Variants in AK5 observed in about 807,000 individuals in gnomAD.
AK5 encodes adenylate kinase isoenzyme 5.
A neutral mutation model predicts 69.5 loss-of-function variants in AK5; 27 were observed. The observed-to-expected ratio is 0.39, with a 90% CI of 0.29 to 0.54. AK5 has a LOEUF of 0.54. Ranked by LOEUF, AK5 falls within the 20% of genes least tolerant of loss-of-function variation. AK5 has a pLI of 0.71. For synonymous variants in AK5, 260 were observed against 244.4 expected (o/e 1.06, Z -0.60); for missense variants, 531 against 700.4 (o/e 0.76, Z 2.73).
At chr1:77,395,353 A>T (rs1416168947) in intron 6 of AK5, among the ~76,000 whole-genome samples, 1 of 152,194 alleles carries the variant, frequency 6.6e-6, no homozygotes, top group Non-Finnish European at 1.5e-5. Flanking sequence ...TGAGGCTTCT[A>T]ACAAATTCTA....
chr1:77,323,816 C>G (rs751000542), intron 5 of AK5, among the ~76,000 whole-genome samples: 1 of 151,834 alleles, frequency 6.6e-6, no homozygotes, highest in African/African-American at 2.4e-5. Flanking sequence ...AACACACACA[C>G]AGAGAAAGAA....
chr1:77,404,045 A>C (rs566472376), intron 6 of AK5, among the ~76,000 whole-genome samples: 1 of 152,086 alleles, frequency 6.6e-6, no homozygotes, highest in Non-Finnish European at 1.5e-5. Flanking sequence ...TAGGTATTTT[A>C]TTCTCTTTGA....
intron 12 of AK5, among the ~76,000 whole-genome samples, chr1:77,529,130 T>C (rs1410572064): frequency 6.7e-6 from 1 of 149,736 alleles, no homozygotes; most frequent in Non-Finnish European, 1.5e-5. Context: ...CACCCAGTGA[T>C]AATACCTATT....
chr1:77,438,317 A>G (rs59322427), intron 8 of AK5, among the ~76,000 whole-genome samples: 37,417 of 129,346 alleles, frequency 0.29, 6,536 homozygotes, highest in Non-Finnish European at 0.39. Context: ...AAAAAAAAAA[A>G]AAAAAAACAA....
intron 8 of AK5, among the ~76,000 whole-genome samples, chr1:77,443,250 G>A (rs1447641478): frequency 2.6e-5 from 4 of 152,072 alleles, no homozygotes; most frequent in Non-Finnish European, 5.9e-5. Context: ...TTTCTGGTCT[G>A]GGGTGCTCAA....
At chr1:77,485,203 AT>A (rs1409414968) in intron 9 of AK5, among the ~76,000 whole-genome samples, 1 of 152,210 alleles carries the variant, frequency 6.6e-6, no homozygotes, top group Non-Finnish European at 1.5e-5. Flanking sequence ...TGATTTAAAA[AT>A]TCTCTTTGTT....
intron 8 of AK5, among the ~76,000 whole-genome samples, chr1:77,418,678 C>G (rs1423045386): frequency 1.3e-5 from 2 of 152,180 alleles, no homozygotes; most frequent in Non-Finnish European, 2.9e-5. Context: ...TCTTCCGCCT[C>G]TCATCAGTGC....
intron 6 of AK5, among the ~76,000 whole-genome samples, chr1:77,358,961 T>G (rs540553328): frequency 6.7e-4 from 101 of 151,466 alleles, no homozygotes; most frequent in African/African-American, 2.3e-3. Context: ...AGGAAAAGAA[T>G]AAAAGAATTA....
At chr1:77,368,273 G>A (rs1345373629) in intron 6 of AK5, among the ~76,000 whole-genome samples, 211 of 42,812 alleles carry the variant, frequency 4.9e-3, no homozygotes, top group African/African-American at 8.5e-3. Context: ...TTATATATAT[G>A]TTATATATGT....
At chr1:77,295,533 C>G (rs749272754) in intron 3 of AK5, among the ~76,000 whole-genome samples, 18 of 152,144 alleles carry the variant, frequency 1.2e-4, no homozygotes, top group Non-Finnish European at 2.4e-4. Context: ...GGAATACATT[C>G]TTTTTATGCT....
At chr1:77,533,525 A>ACAAAC (rs1658780466) in intron 12 of AK5, among the ~76,000 whole-genome samples, 1 of 150,890 alleles carries the variant, frequency 6.6e-6, no homozygotes, top group African/African-American at 2.5e-5. Context: ...AAAAAAAAAA[A>ACAAAC]AAAAAAAAAA....
At chr1:77,491,972 CTTTA>C (rs1299055780) in intron 10 of AK5, among the ~76,000 whole-genome samples, 9 of 152,004 alleles carry the variant, frequency 5.9e-5, no homozygotes, top group Admixed American at 5.9e-4. Context: ...AAGTGACAGG[CTTTA>C]TTTATTTTCA....
At chr1:77,423,218 C>T (rs12041666) in intron 8 of AK5, among the ~76,000 whole-genome samples, 1 of 27,854 alleles carries the variant, frequency 3.6e-5, no homozygotes, top group Non-Finnish European at 7.5e-5. Flanking sequence ...AAGACTCCGT[C>T]TAAAAAAAAA....
At chr1:77,453,077 GA>G (rs2100660557) in intron 8 of AK5, among the ~76,000 whole-genome samples, 1 of 152,268 alleles carries the variant, frequency 6.6e-6, no homozygotes, top group Admixed American at 6.5e-5. Context: ...GCAAATAACT[GA>G]AAACCTCTGT....
chr1:77,541,485 G>C (rs1333469638), intron 13 of AK5, among the ~76,000 whole-genome samples: 2 of 152,214 alleles, frequency 1.3e-5, no homozygotes, highest in African/African-American at 2.4e-5. Context: ...AAACATTGTG[G>C]GGCGTTTTCA....
intron 13 of AK5, among the ~76,000 whole-genome samples, chr1:77,558,076 TATATC>T (rs1438505635): frequency 1.3e-5 from 2 of 152,212 alleles, no homozygotes; most frequent in Admixed American, 6.5e-5. Flanking sequence ...TCCATCTGGA[TATATC>T]AGTTTATCCA....
At chr1:77,408,309 C>CT (rs1649796367) in intron 6 of AK5, among the ~76,000 whole-genome samples, 1 of 152,022 alleles carries the variant, frequency 6.6e-6, no homozygotes. Context: ...TTTTTTGTCT[C>CT]TTTAATAATA....
At chr1:77,550,964 G>A (rs554209960) in intron 13 of AK5, among the ~76,000 whole-genome samples, 164 of 152,306 alleles carry the variant, frequency 1.1e-3, no homozygotes, top group South Asian at 3.7e-3. Context: ...ATCACCTGAG[G>A]TCAGGAGTTT....
chr1:77,400,959 T>C (rs1004145370), intron 6 of AK5, among the ~76,000 whole-genome samples: 1 of 128,620 alleles, frequency 7.8e-6, no homozygotes, highest in African/African-American at 2.7e-5. Flanking sequence ...AAAAAAAGTA[T>C]GTTCCGCCAA....
Sources: gnomAD v4.1 joint callset for allele counts (sites outside exome capture counted in the v4.1 genomes callset) on GRCh38, gnomAD v4.1.1 for gene constraint, MANE v1.5 for transcripts, NCBI Gene and HGNC (gene_info 2026-07-23, HGNC 2026-07-21) for gene names.